ROBO2: variants seen among roughly 807,000 people sequenced by gnomAD.
The protein encoded by ROBO2 is roundabout guidance receptor 2, also known as roundabout homolog 2.
In ROBO2, 53 loss-of-function variants were observed where a neutral mutation model predicts 160.8. That is an observed-to-expected ratio of 0.33 (90% CI 0.26 to 0.41). The LOEUF is 0.41. ROBO2 is among the 10% of genes least tolerant of loss of function. The probability of loss-of-function intolerance (pLI) is 1.00; values close to 1 mark genes in which losing one functional copy is unlikely to be tolerated. For synonymous variants in ROBO2, 664 were observed against 611.7 expected (o/e 1.09, Z -1.26); for missense variants, 1,577 against 1,722.4 (o/e 0.92, Z 1.49).
chr3:77,409,608 T>TA (rs1428485487), intron 2 of ROBO2, among the ~76,000 whole-genome samples: 1 of 152,126 alleles, frequency 6.6e-6, no homozygotes, highest in Non-Finnish European at 1.5e-5. Flanking sequence ...ATCAAGGATT[T>TA]AGCTGTTTCA....
chr3:76,450,350 A>G (rs2077413041), intron 2 of ROBO2, among the ~76,000 whole-genome samples: 1 of 152,230 alleles, frequency 6.6e-6, no homozygotes, highest in African/African-American at 2.4e-5. Context: ...TTTAACTTGT[A>G]TAACTAATTT....
At chr3:77,354,757 G>A (rs1372830159) in intron 2 of ROBO2, among the ~76,000 whole-genome samples, 2 of 152,110 alleles carry the variant, frequency 1.3e-5, no homozygotes, top group East Asian at 3.9e-4. Context: ...CCTGAAAAGG[G>A]AAAAAGCTTG....
At chr3:77,169,165 C>G (rs1248949288) in intron 2 of ROBO2, among the ~76,000 whole-genome samples, 1 of 152,122 alleles carries the variant, frequency 6.6e-6, no homozygotes, top group Non-Finnish European at 1.5e-5. Context: ...TGTCCGTGTT[C>G]TTATTTGCTG....
chr3:77,602,218 C>T (rs2094443024), exon 20 of ROBO2: 17 of 1,614,166 alleles, frequency 1.1e-5, no homozygotes, highest in Non-Finnish European at 1.4e-5. Context: ...AGATGTGCTG[C>T]CACCAGTTCC....
At chr3:77,477,560 G>A in exon 3 of ROBO2, 1 of 1,614,052 alleles carries the variant, frequency 6.2e-7, no homozygotes, top group Non-Finnish European at 8.5e-7. Flanking sequence ...TGACAAGGAA[G>A]AAAGAATAAG....
chr3:76,296,658 GA>G (rs1205127094), intron 2 of ROBO2, among the ~76,000 whole-genome samples: 1 of 152,162 alleles, frequency 6.6e-6, no homozygotes, highest in East Asian at 1.9e-4. Context: ...CACTGAAATA[GA>G]ATCAGCATTA....
intron 2 of ROBO2, among the ~76,000 whole-genome samples, chr3:76,396,878 T>C (rs1300678580): frequency 2.6e-5 from 4 of 152,020 alleles, no homozygotes; most frequent in East Asian, 1.9e-4. Flanking sequence ...GAATCAATAT[T>C]GTGGAAATGG....
At position 76,128,302 on chromosome 3, in the gene ROBO2, G is replaced by A. The variant is rs79685817; in HGVS notation, c.109+190700G>A. On this transcript the variant is annotated intron_variant, in intron 2 of 26. Coordinates refer to the ROBO2 transcript ENST00000487694. Reference sequence around the variant, plus strand: ...ACTAGTTATGCTTCATAGAAAATGTGGCCTTTACAGCAAGGAGCTCTCCAA... The same window carrying A: ...ACTAGTTATGCTTCATAGAAAATGTAGCCTTTACAGCAAGGAGCTCTCCAA... 9.4e-3 allele frequency among the ~76,000 whole-genome samples: 1,427 copies of A among 152,114 alleles called. 24 individuals carry two copies. The highest frequency in any genetic ancestry group is 0.033 in the African/African-American group (1,377 of 41,532).
At chr3:77,362,757 G>A (rs2070224920) in intron 2 of ROBO2, among the ~76,000 whole-genome samples, 1 of 152,100 alleles carries the variant, frequency 6.6e-6, no homozygotes, top group Admixed American at 6.6e-5. Flanking sequence ...TTGACTCCCA[G>A]TTCACATGGC....
intron 2 of ROBO2, among the ~76,000 whole-genome samples, chr3:76,266,447 C>A (rs988440865): frequency 6.6e-6 from 1 of 152,084 alleles, no homozygotes; most frequent in Non-Finnish European, 1.5e-5. Context: ...AGTAAAGTAT[C>A]TGCCCTTTCA....
chr3:76,620,779 A>T (rs954183009), intron 2 of ROBO2, among the ~76,000 whole-genome samples: 2 of 152,144 alleles, frequency 1.3e-5, no homozygotes. Flanking sequence ...TTCCAATTCT[A>T]TATTATAAGT....
intron 2 of ROBO2, among the ~76,000 whole-genome samples, chr3:76,069,910 C>T (rs1403915256): frequency 6.6e-6 from 1 of 152,102 alleles, no homozygotes; most frequent in African/African-American, 2.4e-5. Flanking sequence ...ATTTCTTATG[C>T]CTGTCTTTAC....
chr3:76,908,480 C>T (rs1178100271), intron 2 of ROBO2, among the ~76,000 whole-genome samples: 2 of 152,190 alleles, frequency 1.3e-5, no homozygotes, highest in African/African-American at 4.8e-5. Context: ...ACTGGTTTCA[C>T]TAACTTTCAG....
chr3:76,000,489 ATTTTT>A (rs62945460), intron 2 of ROBO2, among the ~76,000 whole-genome samples: 2 of 114,160 alleles, frequency 1.8e-5, no homozygotes, highest in Non-Finnish European at 1.9e-5. Flanking sequence ...TTGTGCGCTT[ATTTTT>A]TTTTTTTTTT....
intron 2 of ROBO2, among the ~76,000 whole-genome samples, chr3:76,495,767 G>A (rs1204477532): frequency 6.6e-6 from 1 of 152,100 alleles, no homozygotes; most frequent in Non-Finnish European, 1.5e-5. Flanking sequence ...TATGTTATCA[G>A]AATACAAAAT....
intron 2 of ROBO2, among the ~76,000 whole-genome samples, chr3:76,684,214 T>A (rs1323398360): frequency 6.6e-6 from 1 of 152,102 alleles, no homozygotes; most frequent in Non-Finnish European, 1.5e-5. Flanking sequence ...TCCAAACCAT[T>A]TTCTCCCTTT....
chr3:75,918,751 C>T (rs1946911307), intron 1 of ROBO2, among the ~76,000 whole-genome samples: 1 of 152,076 alleles, frequency 6.6e-6, no homozygotes, highest in South Asian at 2.1e-4. Flanking sequence ...CCTTCACATC[C>T]CTCGTAGGTT....
At chr3:77,460,645 T>C (rs778538825) in intron 2 of ROBO2, among the ~76,000 whole-genome samples, 13 of 152,200 alleles carry the variant, frequency 8.5e-5, no homozygotes, top group Non-Finnish European at 1.8e-4. Context: ...TTAAATTAGA[T>C]GCATTTTAAT....
intron 2 of ROBO2, among the ~76,000 whole-genome samples, chr3:77,017,072 TA>T (rs1187977808): frequency 6.6e-6 from 1 of 152,182 alleles, no homozygotes; most frequent in Non-Finnish European, 1.5e-5. Flanking sequence ...ATATGCAAAA[TA>T]ATCTTACCAT....
Sources: gnomAD v4.1 joint callset for allele counts (sites outside exome capture counted in the v4.1 genomes callset) on GRCh38, gnomAD v4.1.1 for gene constraint, MANE v1.5 for transcripts, NCBI Gene and HGNC (gene_info 2026-07-23, HGNC 2026-07-21) for gene names.